CSMD1: variants seen among roughly 807,000 people sequenced by gnomAD.
The protein encoded by CSMD1 is CUB and Sushi multiple domains 1.
Under a neutral mutation model 417.5 loss-of-function variants are expected in CSMD1, and 213 were observed. The ratio of observed to expected loss-of-function variants is 0.51; its 90% confidence interval spans 0.46 to 0.57. The LOEUF (loss-of-function observed/expected upper bound fraction) is 0.57, where lower values mean the gene tolerates loss of function less well. Ranked by LOEUF, CSMD1 falls within the 20% of genes least tolerant of loss-of-function variation. CSMD1 has a pLI of 0.00. For missense variants in CSMD1, 6,923 were observed against 4,529.7 expected, an observed-to-expected ratio of 1.53 and a Z score of -15.17; for synonymous variants, 2,862 against 1,736.8, an observed-to-expected ratio of 1.65 and a Z score of -16.11.
intron 4 of CSMD1, among the ~76,000 whole-genome samples, chr8:4,010,585 C>A (rs928479088): frequency 1.3e-5 from 2 of 150,748 alleles, no homozygotes; most frequent in Non-Finnish European, 3.0e-5. Flanking sequence ...CAGCTGCAGT[C>A]TGACTACATT....
At chr8:3,440,766 T>C (rs1484715335) in intron 12 of CSMD1, among the ~76,000 whole-genome samples, 1 of 152,224 alleles carries the variant, frequency 6.6e-6, no homozygotes, top group Non-Finnish European at 1.5e-5. Context: ...AGGTTAATTC[T>C]AAGTGTTTTT....
chr8:3,156,277 T>G (rs1224646212), intron 39 of CSMD1, among the ~76,000 whole-genome samples: 1 of 152,176 alleles, frequency 6.6e-6, no homozygotes, highest in African/African-American at 2.4e-5. Flanking sequence ...TACTTGAGTG[T>G]TCGAAGACTG....
At chr8:3,214,185 G>A (rs530123051) in intron 30 of CSMD1, among the ~76,000 whole-genome samples, 47 of 152,038 alleles carry the variant, frequency 3.1e-4, no homozygotes, top group Non-Finnish European at 5.6e-4. Context: ...AGAGAGAGAA[G>A]TAACTAGAGA....
At chr8:3,297,920 TA>T (rs903752240) in intron 25 of CSMD1, among the ~76,000 whole-genome samples, 9 of 151,976 alleles carry the variant, frequency 5.9e-5, no homozygotes, top group East Asian at 1.9e-4. Flanking sequence ...CATTTCAGTA[TA>T]AAAAAATGGG....
intron 2 of CSMD1, among the ~76,000 whole-genome samples, chr8:4,535,581 G>C (rs370287455): frequency 1.3e-5 from 2 of 152,066 alleles, no homozygotes; most frequent in African/African-American, 4.8e-5. Flanking sequence ...TTAACCCTAA[G>C]TCATCCAAGA....
intron 6 of CSMD1, among the ~76,000 whole-genome samples, chr8:3,753,128 C>G (rs1281095380): frequency 6.6e-6 from 1 of 152,088 alleles, no homozygotes; most frequent in African/African-American, 2.4e-5. Flanking sequence ...GGCAGGTGTT[C>G]AGCGAATGCT....
At chr8:3,840,650 G>A (rs1255747044) in intron 5 of CSMD1, among the ~76,000 whole-genome samples, 2 of 151,396 alleles carry the variant, frequency 1.3e-5, no homozygotes, top group Non-Finnish European at 2.9e-5. Flanking sequence ...CTAGTGTATA[G>A]GATATTGAGG....
intron 3 of CSMD1, among the ~76,000 whole-genome samples, chr8:4,223,764 G>C (rs559903948): frequency 6.6e-6 from 1 of 152,182 alleles, no homozygotes; most frequent in South Asian, 2.1e-4. Flanking sequence ...TCTAGCAAAG[G>C]TGACCTAGTC....
chr8:3,394,498 C>A (rs1811565441), intron 17 of CSMD1, among the ~76,000 whole-genome samples: 1 of 152,032 alleles, frequency 6.6e-6, no homozygotes, highest in African/African-American at 2.4e-5. Context: ...GCAAAGTCAT[C>A]TACAGCTACA....
chr8:3,670,104 G>T (rs924960423), intron 7 of CSMD1, among the ~76,000 whole-genome samples: 5 of 152,148 alleles, frequency 3.3e-5, no homozygotes, highest in Admixed American at 1.3e-4. Flanking sequence ...AGGATGCAAA[G>T]TGTTGATCCT....
intron 3 of CSMD1, among the ~76,000 whole-genome samples, chr8:4,230,488 T>C (rs1267830947): frequency 6.6e-6 from 1 of 152,170 alleles, no homozygotes; most frequent in Non-Finnish European, 1.5e-5. Context: ...CTGCTCAAAG[T>C]AGATATAATG....
chr8:3,686,877 C>G (rs547975332), intron 7 of CSMD1, among the ~76,000 whole-genome samples: 3 of 152,140 alleles, frequency 2.0e-5, no homozygotes, highest in Admixed American at 6.6e-5. Context: ...GTTAATCTTT[C>G]TTATGTCGAT....
At chr8:4,857,776 C>T (rs369394496) in intron 1 of CSMD1, among the ~76,000 whole-genome samples, 1 of 151,962 alleles carries the variant, frequency 6.6e-6, no homozygotes, top group South Asian at 2.1e-4. Context: ...TAATCAATAG[C>T]TTACCAACCA....
chr8:4,116,970 G>A (rs991767070), intron 3 of CSMD1, among the ~76,000 whole-genome samples: 2 of 151,990 alleles, frequency 1.3e-5, no homozygotes, highest in South Asian at 2.1e-4. Flanking sequence ...GCTGGTAAGA[G>A]GCTACACCTA....
At chr8:4,155,315 C>T (rs1016512943) in intron 3 of CSMD1, among the ~76,000 whole-genome samples, 5 of 152,136 alleles carry the variant, frequency 3.3e-5, no homozygotes, top group African/African-American at 9.7e-5. Flanking sequence ...GTTTGGGTCT[C>T]GCATTAGAGT....
chr8:3,790,698 T>C (rs1191595022), intron 5 of CSMD1, among the ~76,000 whole-genome samples: 18 of 152,210 alleles, frequency 1.2e-4, no homozygotes, highest in Admixed American at 1.0e-3. Context: ...CTTTTTGATA[T>C]CTAGATACCT....
Position 2,938,438 on chromosome 8 carries a change from TC to T in CSMD1, c.*146del, listed in dbSNP as rs1394841181. On this transcript the variant is annotated 3_prime_UTR_variant, in exon 70 of 70. Coordinates refer to ENST00000635120, the MANE Select transcript of CSMD1 (RefSeq NM_033225.6). ...AGACCCTGACACATTTGAGTAGAGA[TC>T]CCCGCTGCACTTATGCCAGTAGACA... is the stretch of plus-strand genomic sequence containing the variant. The T allele has an allele frequency of 4.4e-5, 31 of 708,074 alleles. No homozygotes were observed. Among genetic ancestry groups the T allele is most frequent in the Non-Finnish European group, 3.9e-5 (17 of 437,158 alleles). 43.9% of individuals were successfully genotyped at this position (708,074 alleles called of 1,614,324 possible). A position where few individuals can be genotyped will look rare whatever the true frequency, so the allele number is the denominator to read the frequency against.
intron 2 of CSMD1, among the ~76,000 whole-genome samples, chr8:4,626,986 T>A (rs981651892): frequency 6.6e-6 from 1 of 152,198 alleles, no homozygotes; most frequent in African/African-American, 2.4e-5. Flanking sequence ...GTATTTATTG[T>A]GGTAAAGCAA....
intron 3 of CSMD1, among the ~76,000 whole-genome samples, chr8:4,115,291 T>C (rs904006938): frequency 1.3e-5 from 2 of 152,244 alleles, no homozygotes; most frequent in South Asian, 2.1e-4. Context: ...ATTTTTAGCA[T>C]TTTTGGCAAC....
Sources: gnomAD v4.1 joint callset for allele counts (sites outside exome capture counted in the v4.1 genomes callset) on GRCh38, gnomAD v4.1.1 for gene constraint, MANE v1.5 for transcripts, NCBI Gene and HGNC (gene_info 2026-07-23, HGNC 2026-07-21) for gene names.